COL24A1: variants seen among roughly 807,000 people sequenced by gnomAD.
COL24A1 encodes collagen alpha-1(XXIV) chain.
Under a neutral mutation model 253.9 loss-of-function variants are expected in COL24A1, and 224 were observed. That is an observed-to-expected ratio of 0.88 (90% CI 0.79 to 0.99). The LOEUF (loss-of-function observed/expected upper bound fraction) is 0.99, where lower values mean the gene tolerates loss of function less well. COL24A1 is among the 50% of genes least tolerant of loss of function. The pLI, the probability that COL24A1 is intolerant of heterozygous loss-of-function variation, is 0.00. For synonymous variants in COL24A1, 685 were observed against 673.7 expected (o/e 1.02, Z -0.26); for missense variants, 2,131 against 2,068.5 (o/e 1.03, Z -0.59).
Position 85,783,391 on chromosome 1 carries a change from A to G in COL24A1, c.4284+105T>C, listed in dbSNP as rs983924904. The G allele has an allele frequency of 7.7e-6, 7 of 908,272 alleles. No individual in the cohort carries two copies. The Admixed American group carries it at 1.6e-4, about 21-fold the overall frequency. The allele number at this position is 908,272 out of a possible 1,614,324, so 56.3% of individuals were successfully genotyped here. On this transcript the variant is annotated intron_variant, in intron 51 of 59. Coordinates refer to ENST00000370571, the MANE Select transcript of COL24A1 (RefSeq NM_152890.7). ...CTTATGAGTTTCTACCTTAAAAGTC[A>G]TTTCATTAAGTTATTTACTTGAAGT...
intron 20 of COL24A1, among the ~76,000 whole-genome samples, chr1:85,976,435 T>C (rs568970147): frequency 3.9e-5 from 6 of 152,152 alleles, no homozygotes; most frequent in Non-Finnish European, 7.4e-5. Flanking sequence ...CATAACCCCA[T>C]TGGCCCAAGA....
intron 55 of COL24A1, among the ~76,000 whole-genome samples, chr1:85,760,815 G>A (rs1666776802): frequency 2.6e-5 from 4 of 152,160 alleles, no homozygotes; most frequent in African/African-American, 7.2e-5. Flanking sequence ...CGGAATATGA[G>A]AGTGGATACA....
chr1:85,879,455 T>G (rs1681574852), intron 32 of COL24A1, among the ~76,000 whole-genome samples: 2 of 152,150 alleles, frequency 1.3e-5, no homozygotes, highest in Non-Finnish European at 2.9e-5. Context: ...ATAACTGTTC[T>G]ATTTCTGGGC....
intron 55 of COL24A1, among the ~76,000 whole-genome samples, chr1:85,760,581 T>C (rs1666753276): frequency 6.6e-6 from 1 of 152,082 alleles, no homozygotes; most frequent in Non-Finnish European, 1.5e-5. Flanking sequence ...CACCTAGAAC[T>C]AGCAGAGATC....
At chr1:86,153,904 A>T (rs1653119404) in intron 1 of COL24A1, among the ~76,000 whole-genome samples, 1 of 152,206 alleles carries the variant, frequency 6.6e-6, no homozygotes, top group Admixed American at 6.5e-5. Flanking sequence ...AATTCTACAA[A>T]TTCACGTTAG....
intron 52 of COL24A1, 92 bp downstream of exon 52, chr1:85,781,128 T>C: frequency 2.1e-6 from 2 of 947,272 alleles, no homozygotes; most frequent in Admixed American, 2.6e-5. Context: ...CATTTTCTTC[T>C]CAAATACCCA....
intron 24 of COL24A1, among the ~76,000 whole-genome samples, chr1:85,941,761 C>T (rs1391142431): frequency 1.3e-5 from 2 of 152,120 alleles, no homozygotes; most frequent in African/African-American, 4.8e-5. Flanking sequence ...TCAGAGCTTA[C>T]TTTATTTTTT....
rs577669751 is a variant in COL24A1, at chr1:85,777,590, A to AT, written c.4339-1882dup. ...AGAAATGAGTATTCACGTAATTTCA[A>AT]TTTTTTTTCCAATAAAAGTAGTATT... On this transcript the variant is annotated intron_variant, in intron 52 of 59. Transcript: ENST00000370571. Among the ~76,000 whole-genome samples the AT allele has an allele frequency of 3.9e-5, 6 of 152,084 alleles. No individual in the cohort carries two copies. In the South Asian group the frequency reaches 1.0e-3, roughly 26 times the overall value.
At chr1:85,858,819 C>T (rs1304812257) in intron 37 of COL24A1, among the ~76,000 whole-genome samples, 1 of 151,846 alleles carries the variant, frequency 6.6e-6, no homozygotes, top group Non-Finnish European at 1.5e-5. Flanking sequence ...TGGCTCACTG[C>T]AGCCCCGACC....
At chr1:85,884,660 C>A (rs1048081641) in intron 32 of COL24A1, among the ~76,000 whole-genome samples, 1 of 152,110 alleles carries the variant, frequency 6.6e-6, no homozygotes. Context: ...CAGCTGAAGG[C>A]TAGAGGGAGG....
intron 55 of COL24A1, among the ~76,000 whole-genome samples, chr1:85,754,972 C>T (rs377692653): frequency 2.0e-5 from 3 of 152,116 alleles, no homozygotes; most frequent in Non-Finnish European, 2.9e-5. Flanking sequence ...CCTACACATC[C>T]GAGAAGTTCC....
At chr1:85,825,424 T>C (rs1382417927) in intron 43 of COL24A1, among the ~76,000 whole-genome samples, 2 of 152,192 alleles carry the variant, frequency 1.3e-5, no homozygotes, top group African/African-American at 4.8e-5. Context: ...TTTATAGTCC[T>C]TTGGTTATAT....
intron 2 of COL24A1, among the ~76,000 whole-genome samples, chr1:86,145,667 C>A (rs771660730): frequency 6.6e-6 from 1 of 151,838 alleles, no homozygotes; most frequent in Non-Finnish European, 1.5e-5. Context: ...TTTTCTAAAC[C>A]TCTCCATTTG....
intron 37 of COL24A1, among the ~76,000 whole-genome samples, chr1:85,866,493 G>A (rs2102496030): frequency 6.6e-6 from 1 of 152,096 alleles, no homozygotes; most frequent in South Asian, 2.1e-4. Flanking sequence ...AATTTTGGGA[G>A]CTGGGCATGG....
At chr1:86,059,484 CT>C (rs1700916881) in intron 8 of COL24A1, among the ~76,000 whole-genome samples, 1 of 152,080 alleles carries the variant, frequency 6.6e-6, no homozygotes, top group African/African-American at 2.4e-5. Context: ...TTACCAGTAA[CT>C]TTTTTACCAG....
rs1432432546 is a variant in COL24A1, at chr1:86,156,667, G to A, written c.-271C>T. ...CTCCCCGGGGAGGGCGGGCGAGGAG[G>A]TAAACCTCACTGGGAGGCCTCGGGG... On this transcript the variant is annotated 5_prime_UTR_variant, in exon 1 of 60. Coordinates refer to ENST00000370571, the MANE Select transcript of COL24A1 (RefSeq NM_152890.7). The A allele has an allele frequency of 2.8e-5, 9 of 323,852 alleles. No individual in the cohort carries two copies. The highest frequency in any genetic ancestry group is 5.0e-5 in the Non-Finnish European group (9 of 178,524). 20.1% of individuals were successfully genotyped at this position (323,852 alleles called of 1,614,324 possible).
Position 86,115,384 on chromosome 1 carries a change from A to G in COL24A1, c.1492-6T>C. The G allele has an allele frequency of 1.9e-6, 3 of 1,613,716 alleles. No homozygotes were observed. Among genetic ancestry groups the G allele is most frequent in the Non-Finnish European group, 2.5e-6 (3 of 1,179,720 alleles). On this transcript the variant is annotated splice_polypyrimidine_tract_variant and splice_region_variant and intron_variant, in intron 3 of 59. Transcript: ENST00000370571. The stretch of plus-strand genomic sequence containing the variant: ...CCTGCTGGACCAGGTGGACCCTTGG[A>G]AAACAAATGTCAAGACATTAGGCAT...
chr1:86,027,120 T>G (rs1217395438), intron 14 of COL24A1, among the ~76,000 whole-genome samples: 1 of 152,164 alleles, frequency 6.6e-6, no homozygotes, highest in African/African-American at 2.4e-5. Flanking sequence ...TTTTATGCAT[T>G]CACAAAGAGT....
intron 7 of COL24A1, among the ~76,000 whole-genome samples, chr1:86,085,541 C>A (rs761138214): frequency 2.0e-5 from 3 of 152,112 alleles, no homozygotes; most frequent in African/African-American, 4.8e-5. Flanking sequence ...TGCTAATGTT[C>A]TTACAATTAT....
Sources: gnomAD v4.1 joint callset for allele counts (sites outside exome capture counted in the v4.1 genomes callset) on GRCh38, gnomAD v4.1.1 for gene constraint, MANE v1.5 for transcripts, NCBI Gene and HGNC (gene_info 2026-07-23, HGNC 2026-07-21) for gene names.